SLC25A48: variants seen among roughly 807,000 people sequenced by gnomAD.
SLC25A48 encodes CTC-321K16.1.
SLC25A48 carries 29 observed loss-of-function variants against 32.2 expected under a neutral mutation model. That is an observed-to-expected ratio of 0.90 (90% CI 0.67 to 1.23). The LOEUF is 1.23. Among genes scored for constraint, SLC25A48 ranks in the 50% most tolerant of loss-of-function variants. SLC25A48 has a pLI of 0.00. For missense variants in SLC25A48, 399 were observed against 422.7 expected (o/e 0.94, Z 0.49); for synonymous variants, 164 against 172.3 (o/e 0.95, Z 0.38).
chr5:135,698,286 C>T (rs1331939634), intron 3 of SLC25A48, among the ~76,000 whole-genome samples: 2 of 152,162 alleles, frequency 1.3e-5, no homozygotes, highest in African/African-American at 4.8e-5. Context: ...TAACAATCAG[C>T]TTAGTGCCCC....
At chr5:135,822,165 A>G (rs774594919) in intron 4 of SLC25A48, 1 of 152,234 alleles carries the variant, frequency 6.6e-6, no homozygotes, top group Non-Finnish European at 1.5e-5. Flanking sequence ...AGCCCCCCCA[A>G]CAGAGTGAAC....
At chr5:135,677,587 C>T (rs1044095074) in intron 3 of SLC25A48, among the ~76,000 whole-genome samples, 1 of 151,908 alleles carries the variant, frequency 6.6e-6, no homozygotes, top group African/African-American at 2.4e-5. Flanking sequence ...CTTTTCTCTT[C>T]CTCATTTGTG....
chr5:135,740,174 G>A (rs2126999394), intron 3 of SLC25A48, among the ~76,000 whole-genome samples: 1 of 152,170 alleles, frequency 6.6e-6, no homozygotes, highest in East Asian at 1.9e-4. Context: ...GTGTGCATGT[G>A]TGTGTGTGTG....
chr5:135,661,312 A>T (rs947416454), intron 3 of SLC25A48, among the ~76,000 whole-genome samples: 7 of 152,192 alleles, frequency 4.6e-5, no homozygotes, highest in Middle Eastern at 3.2e-3. Flanking sequence ...GGTAGCTGGG[A>T]GCAGCTCTAA....
chr5:135,804,961 G>T (rs1342915877), intron 3 of SLC25A48, among the ~76,000 whole-genome samples: 1 of 151,360 alleles, frequency 6.6e-6, no homozygotes, highest in African/African-American at 2.4e-5. Context: ...TACACCCTGG[G>T]ATAGTATTTG....
intron 3 of SLC25A48, among the ~76,000 whole-genome samples, chr5:135,684,595 C>T (rs1005367252): frequency 6.6e-6 from 1 of 152,174 alleles, no homozygotes; most frequent in Admixed American, 6.5e-5. Context: ...AGGCTACTCT[C>T]TTCAGCCATG....
In SLC25A48 at chr5:135,881,191, G is replaced by A. The variant is rs529583877; in HGVS notation, c.*7+1094G>A. Among the ~76,000 whole-genome samples, 404 of 152,370 alleles carry A rather than the reference G, an allele frequency of 2.7e-3. 2 individuals carry two copies. The highest frequency in any genetic ancestry group is 5.0e-3 in the Admixed American group (76 of 15,308). On this transcript the variant is annotated intron_variant, in intron 7 of 7. Transcript: ENST00000681962. ...CTACCTGCAAAGCTCAGAAGACAAA[G>A]TAAGTGTGGACTGAACTTTCTAGTC...
At chr5:135,725,453 A>C (rs1755067554) in intron 3 of SLC25A48, among the ~76,000 whole-genome samples, 2 of 152,194 alleles carry the variant, frequency 1.3e-5, no homozygotes, top group African/African-American at 4.8e-5. Flanking sequence ...GAGGTGGGAA[A>C]CAGCTAGGCA....
rs757412641 is a variant in SLC25A48, at chr5:135,721,192, CTTTTTTTTT to C, written c.-521+86257_-521+86265del. ...GAGTAGCTGGGACACCATGCCTGGC[CTTTTTTTTT>C]TTTTTTTTTTTTTTTTTTTTGACAG... On this transcript the variant is annotated intron_variant, in intron 3 of 10. Transcript: ENST00000646290. Among the ~76,000 whole-genome samples the C allele has an allele frequency of 8.2e-3, 443 of 53,828 alleles. 3 individuals are homozygous for C. Among genetic ancestry groups the C allele is most frequent in the Non-Finnish European group, 0.014 (340 of 23,674 alleles). The allele number at this position is 53,828 out of a possible 152,430, so 35.3% of individuals were successfully genotyped here.
At chr5:135,864,299 A>G (rs932881858) in intron 4 of SLC25A48, among the ~76,000 whole-genome samples, 14 of 152,204 alleles carry the variant, frequency 9.2e-5, no homozygotes, top group African/African-American at 3.4e-4. Flanking sequence ...CTCTTTAGCA[A>G]TATTTTATTG....
At position 135,758,484 on chromosome 5, in the gene SLC25A48, CTA is replaced by C. The variant is rs1263577258; in HGVS notation, c.-520-54038_-520-54037del. On this transcript the variant is annotated intron_variant, in intron 3 of 10. Coordinates refer to the SLC25A48 transcript ENST00000646290. ...GATCTCTATGATATCTTTACTATCT[CTA>C]GTGTTAACACACTATGATATTAATA... 2.0e-5 allele frequency among the ~76,000 whole-genome samples: 3 copies of C among 150,826 alleles called. No individual in the cohort carries two copies. The East Asian group carries it at 6.0e-4, about 30-fold the overall frequency.
At chr5:135,799,542 T>G (rs1757270638) in intron 3 of SLC25A48, among the ~76,000 whole-genome samples, 1 of 151,638 alleles carries the variant, frequency 6.6e-6, no homozygotes, top group Non-Finnish European at 1.5e-5. Flanking sequence ...GAAGGATGTG[T>G]ACACCCCCCT....
intron 2 of SLC25A48, among the ~76,000 whole-genome samples, chr5:135,848,350 T>A (rs888950622): frequency 6.6e-6 from 1 of 152,112 alleles, no homozygotes; most frequent in Non-Finnish European, 1.5e-5. Context: ...CAGCCTTACA[T>A]GGGGCACAGA....
intron 1 of SLC25A48, among the ~76,000 whole-genome samples, chr5:135,608,425 T>C: frequency 6.6e-6 from 1 of 152,178 alleles, no homozygotes; most frequent in East Asian, 1.9e-4. Context: ...AAGTTAGAAG[T>C]GAGCAGCTGC....
chr5:135,842,704 G>C (rs1759109565), intron 2 of SLC25A48, among the ~76,000 whole-genome samples: 1 of 152,184 alleles, frequency 6.6e-6, no homozygotes, highest in Non-Finnish European at 1.5e-5. Context: ...ATGCACATGG[G>C]TGTGAGGACT....
chr5:135,869,013 G>T (rs1382084240), intron 4 of SLC25A48, among the ~76,000 whole-genome samples: 1 of 152,164 alleles, frequency 6.6e-6, no homozygotes, highest in Non-Finnish European at 1.5e-5. Context: ...AGAAGGGAGG[G>T]AAGTGAAGAG....
chr5:135,620,974 C>T lies in SLC25A48; in HGVS notation c.-848-8263C>T, dbSNP rs368707765. Among the ~76,000 whole-genome samples, 27 of 152,304 alleles carry T rather than the reference C, an allele frequency of 1.8e-4. 1 individual carries two copies. Among genetic ancestry groups the T allele is most frequent in the African/African-American group, 6.3e-4 (26 of 41,574 alleles). On this transcript the variant is annotated intron_variant, in intron 1 of 10. Coordinates refer to the SLC25A48 transcript ENST00000646290. ...AAATCCCAGCTAAGCAGGCTACCTC[C>T]CTTCCTTCTCCTTCCAGATGATCTA...
At chr5:135,605,902 C>T (rs188475947) in intron 1 of SLC25A48, among the ~76,000 whole-genome samples, 4 of 152,274 alleles carry the variant, frequency 2.6e-5, no homozygotes, top group African/African-American at 9.6e-5. Flanking sequence ...CTGGTTGAAG[C>T]CAGCATTTTA....
chr5:135,841,824 A>G (rs1209964852), intron 1 of SLC25A48, among the ~76,000 whole-genome samples: 11 of 152,178 alleles, frequency 7.2e-5, no homozygotes, highest in African/African-American at 2.4e-4. Flanking sequence ...TTACCCTGGT[A>G]TGGAGAGGGT....
Sources: allele counts gnomAD v4.1 joint callset (sites outside exome capture counted in the v4.1 genomes callset), GRCh38; gene constraint gnomAD v4.1.1; transcripts MANE v1.5; gene names NCBI Gene and HGNC (gene_info 2026-07-23, HGNC 2026-07-21).